BAZ1A: variants seen among roughly 807,000 people sequenced by gnomAD.
The protein encoded by BAZ1A is bromodomain adjacent to zinc finger domain 1A, also known as bromodomain adjacent to zinc finger domain protein 1A.
A neutral mutation model predicts 185.2 loss-of-function variants in BAZ1A; 50 were observed. The ratio of observed to expected loss-of-function variants is 0.27; its 90% CI spans 0.22 to 0.34. The LOEUF (loss-of-function observed/expected upper bound fraction) is 0.34, where lower values mean the gene tolerates loss of function less well. Among genes scored for constraint, BAZ1A ranks in the 10% least tolerant of loss-of-function variants. The pLI, the probability that BAZ1A is intolerant of heterozygous loss-of-function variation, is 1.00. For synonymous variants in BAZ1A, 571 were observed against 615.6 expected (o/e 0.93, Z 1.07); for missense variants, 1,356 against 1,839.9 (o/e 0.74, Z 4.81).
intron 11 of BAZ1A, among the ~76,000 whole-genome samples, chr14:34,793,565 T>C (rs909681887): frequency 2.0e-5 from 3 of 152,168 alleles, no homozygotes; most frequent in African/African-American, 7.2e-5. Flanking sequence ...TCCCAGCACT[T>C]TGCGAGGCCA....
chr14:34,814,042 CAA>C (rs34049193), intron 4 of BAZ1A, among the ~76,000 whole-genome samples: 14 of 118,454 alleles, frequency 1.2e-4, no homozygotes, highest in Admixed American at 1.8e-4. Context: ...GAGTCTGTAT[CAA>C]AAAAAAAAAA....
At chr14:34,818,795 T>G (rs1028813181) in intron 4 of BAZ1A, among the ~76,000 whole-genome samples, 1 of 152,108 alleles carries the variant, frequency 6.6e-6, no homozygotes, top group African/African-American at 2.4e-5. Context: ...ATTTCTGGAC[T>G]TAATAAGGAA....
intron 7 of BAZ1A, among the ~76,000 whole-genome samples, chr14:34,801,904 T>TAAAAAAAAAAAAAAAAA (rs1881589344): frequency 2.1e-5 from 1 of 48,174 alleles, no homozygotes; most frequent in Non-Finnish European, 4.4e-5. Context: ...AGACTCCATC[T>TAAAAAAAAAAAAAAAAA]CAAAAAAAAA....
intron 4 of BAZ1A, among the ~76,000 whole-genome samples, chr14:34,825,757 G>A (rs1370326010): frequency 6.6e-6 from 1 of 152,094 alleles, no homozygotes; most frequent in African/African-American, 2.4e-5. Context: ...GGCCAATATG[G>A]TGAAACCCTG....
chr14:34,844,758 AACACACACAC>A (rs201763795), intron 3 of BAZ1A, among the ~76,000 whole-genome samples: 2 of 130,952 alleles, frequency 1.5e-5, no homozygotes, highest in African/African-American at 5.7e-5. Context: ...ACCCTGTCTA[AACACACACAC>A]ACACACGCGC....
At chr14:34,851,158 T>C (rs534104003) in intron 3 of BAZ1A, among the ~76,000 whole-genome samples, 1 of 151,636 alleles carries the variant, frequency 6.6e-6, no homozygotes, top group African/African-American at 2.4e-5. Context: ...CGTAGCGAAA[T>C]CCCATCTCTG....
At chr14:34,825,296 A>T (rs1191822960) in intron 4 of BAZ1A, among the ~76,000 whole-genome samples, 1 of 151,954 alleles carries the variant, frequency 6.6e-6, no homozygotes, top group East Asian at 1.9e-4. Flanking sequence ...ACTACTAAAA[A>T]TACAAAATTA....
chr14:34,874,117 G>A lies in BAZ1A; in HGVS notation c.113+375C>T, dbSNP rs2042999354. Among the ~76,000 whole-genome samples, 1 of 151,974 alleles carries A rather than the reference G, an allele frequency of 6.6e-6. No homozygotes were observed. Among genetic ancestry groups the A allele is most frequent in the African/African-American group, 2.4e-5 (1 of 41,408 alleles). ...TAGCGGGGATCCCCTCGGCCGCCGG[G>A]AGGGGATCCCGGAACTGGCCCCGGA... On this transcript the variant is annotated intron_variant, in intron 2 of 26. Transcript: ENST00000360310. The surrounding 1 kb of genome is among the most constrained non-coding windows in gnomAD (Gnocchi z 4.7).
intron 5 of BAZ1A, among the ~76,000 whole-genome samples, chr14:34,810,105 C>T (rs544405815): frequency 5.3e-5 from 8 of 152,162 alleles, no homozygotes; most frequent in Non-Finnish European, 1.2e-4. Flanking sequence ...ATTATTATCA[C>T]TTTCGTTTGG....
At chr14:34,769,025 G>A (rs1047318908) in intron 21 of BAZ1A, among the ~76,000 whole-genome samples, 6 of 152,002 alleles carry the variant, frequency 3.9e-5, no homozygotes, top group Admixed American at 2.6e-4. Flanking sequence ...TTTTTATTTC[G>A]TACATGCTTC....
chr14:34,802,696 G>A (rs749169016), intron 7 of BAZ1A, among the ~76,000 whole-genome samples, 158 bp downstream of exon 7: 1 of 152,210 alleles, frequency 6.6e-6, no homozygotes, highest in African/African-American at 2.4e-5. Context: ...TCATTGCTGA[G>A]CAGTTATCAA....
In BAZ1A at chr14:34,761,941, A is replaced by G. The variant is rs757981723; in HGVS notation, c.4059T>C (p.Ser1353=). The change falls in exon 24 of 27, where the codon AGT becomes AGC. Residue 1353 remains serine, a synonymous_variant. Coordinates refer to ENST00000360310, the MANE Select transcript of BAZ1A (RefSeq NM_013448.3). ...LQADVFVELL[S]PRRKRRGRKS... is the part of the protein sequence containing the mutation. ...TCCTGCCTCTGCGTTTTCTACGAGGACTAAGCAATTCCACAAATACATCTG... is the reference window on the plus strand; with the variant it reads ...TCCTGCCTCTGCGTTTTCTACGAGGGCTAAGCAATTCCACAAATACATCTG... 4 of 1,614,238 alleles carry G rather than the reference A, an allele frequency of 2.5e-6. No individual in the cohort carries two copies. Among genetic ancestry groups the G allele is most frequent in the Non-Finnish European group, 3.4e-6 (4 of 1,180,052 alleles).
Position 34,874,213 on chromosome 14 carries a change from A to C in BAZ1A, c.113+279T>G. 6.1e-6 allele frequency: 2 copies of C among 330,186 alleles called. No individual in the cohort carries two copies. The highest frequency in any genetic ancestry group is 2.2e-5 in the African/African-American group (1 of 45,128). 20.5% of individuals were successfully genotyped at this position (330,186 alleles called of 1,614,324 possible). On this transcript the variant is annotated intron_variant, in intron 2 of 26. Coordinates refer to ENST00000360310, the MANE Select transcript of BAZ1A (RefSeq NM_013448.3). The surrounding 1 kb of genome is among the most constrained non-coding windows in gnomAD (Gnocchi z 4.7). ...GCCGCCCCGCGGCCAAGAGGGCGGGAGGGCGACAGCAGCGGCTAGGAGCGG... is the reference window on the plus strand; with the variant it reads ...GCCGCCCCGCGGCCAAGAGGGCGGGCGGGCGACAGCAGCGGCTAGGAGCGG...
chr14:34,802,156 G>A (rs1881605291), intron 7 of BAZ1A, among the ~76,000 whole-genome samples: 1 of 152,072 alleles, frequency 6.6e-6, no homozygotes, highest in African/African-American at 2.4e-5. Context: ...TGTGGCCAAT[G>A]TCAAATTTTA....
At chr14:34,811,110 C>G (rs1429705920) in intron 4 of BAZ1A, 74 bp from the exon 5 acceptor site, 12 of 1,047,282 alleles carry the variant, frequency 1.1e-5, no homozygotes, top group Admixed American at 7.4e-5. Flanking sequence ...AACCTAGTTT[C>G]TAAGAATATA....
At chr14:34,797,861 G>A (rs1163934607) in intron 9 of BAZ1A, among the ~76,000 whole-genome samples, 1 of 152,246 alleles carries the variant, frequency 6.6e-6, no homozygotes, top group African/African-American at 2.4e-5. Context: ...GCCGAAGCAG[G>A]GCGGGCATCG....
intron 18 of BAZ1A, among the ~76,000 whole-genome samples, chr14:34,775,124 G>A (rs1355846241): frequency 3.3e-5 from 5 of 151,816 alleles, no homozygotes. Flanking sequence ...GCTGAGACAG[G>A]AGATGCACTA....
chr14:34,780,385 A>T, intron 16 of BAZ1A, 75 bp from the exon 17 acceptor site: 1 of 1,461,300 alleles, frequency 6.8e-7, no homozygotes, highest in Non-Finnish European at 9.3e-7. Flanking sequence ...TTGCTTGCTT[A>T]TGAAGTACCA....
chr14:34,874,226 CG>C lies in BAZ1A; in HGVS notation c.113+265del, dbSNP rs1394462385. On this transcript the variant is annotated intron_variant, in intron 2 of 26. Coordinates refer to ENST00000360310, the MANE Select transcript of BAZ1A (RefSeq NM_013448.3). This position sits in a 1 kb window ranked among gnomAD's most constrained non-coding sequence, Gnocchi z 4.7. ...CAAGAGGGCGGGAGGGCGACAGCAG[CG>C]GCTAGGAGCGGTCCCCGAGGCCGGC... The C allele has an allele frequency of 2.8e-5, 10 of 355,914 alleles. No individual in the cohort carries two copies. The highest frequency in any genetic ancestry group is 5.1e-5 in the Non-Finnish European group (10 of 194,492). 22.0% of individuals were successfully genotyped at this position (355,914 alleles called of 1,614,324 possible). A position where few individuals can be genotyped will look rare whatever the true frequency, so the allele number is the denominator to read the frequency against.
Sources: gnomAD v4.1 joint callset for allele counts (sites outside exome capture counted in the v4.1 genomes callset) on GRCh38, gnomAD v4.1.1 for gene constraint, Gnocchi (gnomAD v3.1) non-coding constraint, MANE v1.5 for transcripts, NCBI Gene and HGNC (gene_info 2026-07-23, HGNC 2026-07-21) for gene names.